Variants in LUC7L2 observed in about 807,000 individuals in gnomAD.
The protein encoded by LUC7L2 is putative RNA-binding protein Luc7-like 2.
Under a neutral mutation model 52.8 loss-of-function variants are expected in LUC7L2, and 25 were observed. The observed-to-expected ratio is 0.47, with a 90% CI of 0.34 to 0.66. The LOEUF is 0.66. LUC7L2 is among the 30% of genes least tolerant of loss of function. The pLI is 0.01. For synonymous variants in LUC7L2, 144 were observed against 160.9 expected (o/e 0.89, Z 0.80); for missense variants, 328 against 497.8 (o/e 0.66, Z 3.25).
intron 2 of LUC7L2, among the ~76,000 whole-genome samples, chr7:139,396,025 G>C (rs1794651879): frequency 6.6e-6 from 1 of 152,156 alleles, no homozygotes; most frequent in Non-Finnish European, 1.5e-5. Context: ...CCTGATGGTT[G>C]AATTATTTCC....
chr7:139,397,499 C>T (rs533151860), intron 2 of LUC7L2, among the ~76,000 whole-genome samples: 2 of 152,288 alleles, frequency 1.3e-5, no homozygotes, highest in Non-Finnish European at 2.9e-5. Flanking sequence ...TAGTGCTTAC[C>T]ACAAGTGGGA....
chr7:139,360,639 G>A (rs537610243), intron 1 of LUC7L2, among the ~76,000 whole-genome samples: 7 of 152,284 alleles, frequency 4.6e-5, no homozygotes, highest in Admixed American at 6.5e-5. Flanking sequence ...TGGGGGGCCC[G>A]TTTTGTCGCT....
chr7:139,353,016 G>A (rs145801953), intron 1 of LUC7L2, among the ~76,000 whole-genome samples: 1,975 of 152,224 alleles, frequency 0.013, 46 homozygotes, highest in African/African-American at 0.045. Context: ...TGGCCAGCAT[G>A]GTGAAACTCT....
intron 2 of LUC7L2, among the ~76,000 whole-genome samples, chr7:139,390,517 C>T (rs1007711493): frequency 1.9e-4 from 28 of 150,824 alleles, no homozygotes; most frequent in Non-Finnish European, 8.8e-5. Flanking sequence ...ACATGAGCCA[C>T]TGCGTCTGGC....
At chr7:139,378,688 C>G (rs917677464) in intron 2 of LUC7L2, among the ~76,000 whole-genome samples, 2 of 152,216 alleles carry the variant, frequency 1.3e-5, no homozygotes, top group Admixed American at 6.5e-5. Context: ...CTATCACACT[C>G]TGTCCCAAAA....
chr7:139,346,719 C>T (rs1799282226), intron 1 of LUC7L2, among the ~76,000 whole-genome samples: 1 of 152,198 alleles, frequency 6.6e-6, no homozygotes, highest in Admixed American at 6.5e-5. Flanking sequence ...AACATGGCCA[C>T]AGCTCAGCTA....
intron 2 of LUC7L2, among the ~76,000 whole-genome samples, chr7:139,386,868 T>G (rs1794224909): frequency 6.6e-6 from 1 of 151,434 alleles, no homozygotes; most frequent in Non-Finnish European, 1.5e-5. Context: ...AGACAGAGTT[T>G]TGCTCTTGTT....
At chr7:139,345,078 TAAAG>T (rs1335811635) in intron 1 of LUC7L2, 1 of 159,620 alleles carries the variant, frequency 6.3e-6, no homozygotes, top group African/African-American at 2.4e-5. Flanking sequence ...GAAATATAAA[TAAAG>T]CAGTCCTTTA....
At chr7:139,342,457 G>A (rs1447122872) in intron 1 of LUC7L2, among the ~76,000 whole-genome samples, 1 of 152,138 alleles carries the variant, frequency 6.6e-6, no homozygotes, top group Non-Finnish European at 1.5e-5. Flanking sequence ...CTAAGGTGTG[G>A]TGGGTGAAGT....
At chr7:139,415,073 T>G (rs1443525325) in intron 8 of LUC7L2, among the ~76,000 whole-genome samples, 4 of 144,972 alleles carry the variant, frequency 2.8e-5, no homozygotes, top group African/African-American at 7.7e-5. Flanking sequence ...TTTTTTTTTT[T>G]TTTTTTTTTT....
At chr7:139,354,031 A>G (rs6963371) in intron 1 of LUC7L2, among the ~76,000 whole-genome samples, 58,529 of 150,904 alleles carry the variant, frequency 0.39, 15,859 homozygotes, top group African/African-American at 0.78. Context: ...CAGGAGAATT[A>G]CTTGAACCTG....
At chr7:139,419,742 CATACATG>C (rs1343646957) in intron 9 of LUC7L2, among the ~76,000 whole-genome samples, 2 of 152,092 alleles carry the variant, frequency 1.3e-5, no homozygotes, top group African/African-American at 2.4e-5. Flanking sequence ...ATTTTTCCAC[CATACATG>C]ATACATGATC....
Position 139,376,137 on chromosome 7 carries a change from A to G in LUC7L2, c.137A>G (p.His46Arg). The change falls in exon 2 of 10, where the codon CAT becomes CGT. Residue 46 changes from histidine (H) to arginine (R), a missense_variant. Physicochemically the swap from His to Arg is conservative, Grantham distance 29 (BLOSUM62 0). This residue lies in a region of LUC7L2 where 133 missense variants were observed against 274.4 expected (regional missense o/e 0.48). Coordinates refer to ENST00000354926, the MANE Select transcript of LUC7L2 (RefSeq NM_016019.5). ...CKSHLLNCCP[H>R]DVLSGTRMDL... ...AGTCACCTTCTCAACTGTTGTCCTC[A>G]TGATGTCCTTTCTGGAACTGTATGT... 1 of 1,613,886 alleles carries G rather than the reference A, an allele frequency of 6.2e-7. No individual in the cohort carries two copies. Among genetic ancestry groups the G allele is most frequent in the Non-Finnish European group, 8.5e-7 (1 of 1,179,900 alleles).
chr7:139,398,061 C>T (rs1201114913), intron 2 of LUC7L2, among the ~76,000 whole-genome samples: 1 of 151,856 alleles, frequency 6.6e-6, no homozygotes, highest in Non-Finnish European at 1.5e-5. Flanking sequence ...AGTGTGTTGC[C>T]CAGGCTAGGC....
At chr7:139,395,043 C>T (rs527290973) in intron 2 of LUC7L2, among the ~76,000 whole-genome samples, 1 of 152,186 alleles carries the variant, frequency 6.6e-6, no homozygotes, top group South Asian at 2.1e-4. Context: ...AGTTGAGAAC[C>T]ACAGTGGATC....
chr7:139,401,879 C>T (rs10232908), intron 3 of LUC7L2, among the ~76,000 whole-genome samples: 22,475 of 151,728 alleles, frequency 0.15, 4,938 homozygotes, highest in African/African-American at 0.48. Context: ...CTCAGCCTCC[C>T]GAGAAGCTGA....
intron 1 of LUC7L2, chr7:139,374,620 C>T: frequency 6.8e-7 from 1 of 1,466,834 alleles, no homozygotes; most frequent in Non-Finnish European, 9.0e-7. Flanking sequence ...CAAAAATAAC[C>T]TACTAGAGAC....
intron 2 of LUC7L2, among the ~76,000 whole-genome samples, chr7:139,389,089 C>T (rs1794321512): frequency 6.7e-6 from 1 of 149,568 alleles, no homozygotes; most frequent in Non-Finnish European, 1.5e-5. Context: ...TCTGGTTTAC[C>T]TCTGTCACCT....
Position 139,409,751 on chromosome 7 carries a change from T to C in LUC7L2, c.779+97T>C, listed in dbSNP as rs1053813546. ...ATTTTAGATGGTGATAAATCTGTTA[T>C]GGGACGTGGGAAACTTCTGCTTACT... On this transcript the variant is annotated intron_variant, in intron 7 of 9. Coordinates refer to ENST00000354926, the MANE Select transcript of LUC7L2 (RefSeq NM_016019.5). The C allele has an allele frequency of 4.0e-5, 56 of 1,407,360 alleles. 1 individual carries two copies. The African/African-American group carries it at 4.3e-4, about 11-fold the overall frequency. The allele number at this position is 1,407,360 out of a possible 1,614,324, so 87.2% of individuals were successfully genotyped here. A position where few individuals can be genotyped will look rare whatever the true frequency, so the allele number is the denominator to read the frequency against.
Sources: allele counts gnomAD v4.1 joint callset (sites outside exome capture counted in the v4.1 genomes callset), GRCh38; gene constraint gnomAD v4.1.1; regional missense constraint gnomAD v4.1.1; transcripts MANE v1.5; gene names NCBI Gene and HGNC (gene_info 2026-07-23, HGNC 2026-07-21).